Variants in PGM5 observed in about 807,000 individuals in gnomAD.
PGM5 encodes the protein phosphoglucomutase-like protein 5.
A neutral mutation model predicts 59.2 loss-of-function variants in PGM5; 23 were observed. The observed-to-expected ratio is 0.39, with a 90% CI of 0.28 to 0.55. PGM5 has a LOEUF of 0.55. Ranked by LOEUF, PGM5 falls within the 20% of genes least tolerant of loss-of-function variation. PGM5 has a pLI of 0.66. For synonymous variants in PGM5, 214 were observed against 286.0 expected, an observed-to-expected ratio of 0.75 and a Z score of 2.54; for missense variants, 574 against 748.3, an observed-to-expected ratio of 0.77 and a Z score of 2.72.
At chr9:68,446,017 AC>A (rs1554683990) in intron 6 of PGM5, among the ~76,000 whole-genome samples, 2 of 152,172 alleles carry the variant, frequency 1.3e-5, no homozygotes, top group Non-Finnish European at 2.9e-5. Flanking sequence ...CCTGTCCACT[AC>A]CTTGTATGAT....
In PGM5 at chr9:68,437,544, A is replaced by G. The variant is rs1554683428; in HGVS notation, c.1044-27549A>G. Among the ~76,000 whole-genome samples, 1 of 151,882 alleles carries G rather than the reference A, an allele frequency of 6.6e-6. No homozygotes were observed. The highest frequency in any genetic ancestry group is 1.9e-4 in the East Asian group (1 of 5,190). On this transcript the variant is annotated intron_variant, in intron 6 of 10. Coordinates refer to ENST00000396396, the MANE Select transcript of PGM5 (RefSeq NM_021965.4). The surrounding 1 kb of genome is among the most constrained non-coding windows in gnomAD (Gnocchi z 4.1). ...TAGGGGATCTCTAGGCATCTCAAGG[A>G]TAGGAATCAATTTTTCAAAGGGACA...
chr9:68,397,105 A>G (rs1332585131), intron 6 of PGM5: 2 of 152,688 alleles, frequency 1.3e-5, no homozygotes, highest in Admixed American at 6.5e-5. Context: ...AGCCTTGAAA[A>G]TGGCATTCTT....
At chr9:68,426,422 A>G (rs1057183975) in intron 6 of PGM5, among the ~76,000 whole-genome samples, 4 of 152,162 alleles carry the variant, frequency 2.6e-5, no homozygotes, top group African/African-American at 4.8e-5. Context: ...TCATATGTAT[A>G]TATGGTTTCA....
chr9:68,434,538 G>A (rs1451076277), intron 6 of PGM5, among the ~76,000 whole-genome samples: 4 of 151,966 alleles, frequency 2.6e-5, no homozygotes, highest in African/African-American at 9.7e-5. Context: ...TTGGTGCGGT[G>A]GCTCACGCTT....
At chr9:68,422,657 A>G (rs1823153390) in intron 6 of PGM5, among the ~76,000 whole-genome samples, 1 of 152,188 alleles carries the variant, frequency 6.6e-6, no homozygotes, top group Non-Finnish European at 1.5e-5. Context: ...GGTAATTAAA[A>G]TAAATTAATT....
At chr9:68,439,074 G>A (rs1420867441) in intron 6 of PGM5, among the ~76,000 whole-genome samples, 9 of 151,960 alleles carry the variant, frequency 5.9e-5, no homozygotes, top group Non-Finnish European at 1.2e-4. Flanking sequence ...CTTTCAAAAC[G>A]TGGGTAGACT....
intron 1 of PGM5, among the ~76,000 whole-genome samples, chr9:68,372,428 G>A (rs1821760336): frequency 6.6e-6 from 1 of 152,026 alleles, no homozygotes; most frequent in Non-Finnish European, 1.5e-5. Flanking sequence ...TGATGGAAGT[G>A]GCCCAAATTA....
intron 9 of PGM5, among the ~76,000 whole-genome samples, chr9:68,484,351 AAAGT>A (rs1221452570): frequency 4.6e-5 from 7 of 150,542 alleles, no homozygotes; most frequent in African/African-American, 1.5e-4. Context: ...CGTGGGCAAC[AAAGT>A]GAGACCCCCA....
At chr9:68,367,189 G>C (rs1414119978) in intron 1 of PGM5, among the ~76,000 whole-genome samples, 2 of 150,870 alleles carry the variant, frequency 1.3e-5, no homozygotes, top group African/African-American at 2.5e-5. Flanking sequence ...ACAACATAAA[G>C]GACTTTTTTG....
At chr9:68,515,817 A>G (rs889538738) in intron 10 of PGM5, among the ~76,000 whole-genome samples, 3 of 152,266 alleles carry the variant, frequency 2.0e-5, no homozygotes, top group Admixed American at 6.5e-5. Flanking sequence ...GTTGTTGACT[A>G]TCTACCAAAG....
intron 2 of PGM5, among the ~76,000 whole-genome samples, chr9:68,379,931 C>A (rs2777057): frequency 5.4e-5 from 8 of 147,632 alleles, no homozygotes; most frequent in South Asian, 4.3e-4. Flanking sequence ...ATGCATCCAA[C>A]ATTGAAGCAC....
At chr9:68,486,310 A>G (rs1410786453) in intron 9 of PGM5, among the ~76,000 whole-genome samples, 1 of 152,088 alleles carries the variant, frequency 6.6e-6, no homozygotes, top group East Asian at 1.9e-4. Flanking sequence ...TCTCTCATTT[A>G]AAGGGCACAC....
At chr9:68,403,176 C>T (rs1822712697) in intron 6 of PGM5, among the ~76,000 whole-genome samples, 1 of 152,140 alleles carries the variant, frequency 6.6e-6, no homozygotes. Context: ...ATTAGATTCT[C>T]ATAGGAGAGC....
At chr9:68,421,499 C>T (rs7019786) in intron 6 of PGM5, among the ~76,000 whole-genome samples, 2,753 of 152,128 alleles carry the variant, frequency 0.018, 79 homozygotes, top group African/African-American at 0.061. Flanking sequence ...AGGCAGATCA[C>T]CTGAGGTCAG....
At chr9:68,434,597 A>G (rs571969521) in intron 6 of PGM5, among the ~76,000 whole-genome samples, 171 of 152,246 alleles carry the variant, frequency 1.1e-3, no homozygotes, top group Middle Eastern at 3.4e-3. Context: ...ACCCGAGGTC[A>G]GGAGTTTGAG....
intron 9 of PGM5, among the ~76,000 whole-genome samples, chr9:68,487,423 C>A (rs956843485): frequency 4.1e-5 from 5 of 122,236 alleles, no homozygotes; most frequent in Admixed American, 8.0e-5. Context: ...GAAAAGGATA[C>A]AACTATTCTC....
intron 6 of PGM5, among the ~76,000 whole-genome samples, chr9:68,463,641 C>T (rs781882962): frequency 3.7e-4 from 56 of 152,100 alleles, no homozygotes; most frequent in Non-Finnish European, 6.3e-4. Flanking sequence ...GATAAGTTTT[C>T]GCTGTTTTTT....
chr9:68,378,485 T>C, intron 2 of PGM5, 124 bp downstream of exon 2: 3 of 1,251,268 alleles, frequency 2.4e-6, no homozygotes, highest in Non-Finnish European at 3.3e-6. Flanking sequence ...AAAAATTCAG[T>C]GAGGTGCCCA....
intron 6 of PGM5, among the ~76,000 whole-genome samples, chr9:68,448,953 G>A (rs535028878): frequency 6.6e-6 from 1 of 152,322 alleles, no homozygotes; most frequent in East Asian, 1.9e-4. Flanking sequence ...AATTACCATA[G>A]ACTGAGTGGC....
Sources: gnomAD v4.1 joint callset for allele counts (sites outside exome capture counted in the v4.1 genomes callset) on GRCh38, gnomAD v4.1.1 for gene constraint, Gnocchi (gnomAD v3.1) non-coding constraint, MANE v1.5 for transcripts, NCBI Gene and HGNC (gene_info 2026-07-23, HGNC 2026-07-21) for gene names.